Variants in N4BP2 observed in about 807,000 individuals in gnomAD.
N4BP2 encodes NEDD4 binding protein 2.
In N4BP2, 91 loss-of-function variants were observed where a neutral mutation model predicts 152.8. The ratio of observed to expected loss-of-function variants is 0.60; its 90% CI spans 0.50 to 0.71. The LOEUF is 0.71. N4BP2 is among the 30% of genes least tolerant of loss of function. The pLI, the probability that N4BP2 is intolerant of heterozygous loss-of-function variation, is 0.00. For missense variants in N4BP2, 1,923 were observed against 2,059.1 expected (o/e 0.93, Z 1.28); for synonymous variants, 646 against 705.3 (o/e 0.92, Z 1.33).
Position 40,121,515 on chromosome 4 carries a change from A to T in N4BP2, c.3404A>T (p.Asp1135Val). ...LLDSETKLCE[D>V]TEFENFQKSC... ...GATTCTGAAACTAAGTTATGTGAGG[A>T]TACAGAGTTTGAGAATTTCCAAAAA... Residue 1135 changes from aspartate to valine, a missense_variant, in exon 9 of 18, where the codon GAT (aspartate) becomes GTT (valine). By Grantham distance (152) the Asp-to-Val change is radical (BLOSUM62 -3). Transcript: ENST00000261435. The T allele has an allele frequency of 1.2e-6, 2 of 1,614,196 alleles. No individual in the cohort carries two copies. The highest frequency in any genetic ancestry group is 2.7e-5 in the African/African-American group (2 of 75,050).
intron 2 of N4BP2, among the ~76,000 whole-genome samples, chr4:40,084,139 CG>C (rs1218123983): frequency 7.9e-5 from 12 of 151,956 alleles, no homozygotes; most frequent in Admixed American, 2.6e-4. Flanking sequence ...TTAGTAGAGA[CG>C]GGGTTTCGGC....
chr4:40,178,609 T>C, the N4BP2 span, among the ~76,000 whole-genome samples: 1 of 152,244 alleles, frequency 6.6e-6, no homozygotes, highest in African/African-American at 2.4e-5. Context: ...CTCTTGGTCT[T>C]CCAGCTACCA....
In N4BP2 at chr4:40,154,484, A is replaced by T. The variant is rs1008601670; in HGVS notation, c.*247A>T. On this transcript the variant is annotated 3_prime_UTR_variant, in exon 18 of 18. Transcript: ENST00000261435. ...TGATTACAAAATATGTAAGAAAATT[A>T]TCAGCTACAGTTTTAAAGTTTAAAA... 1.8e-5 allele frequency: 7 copies of T among 382,232 alleles called. No homozygotes were observed. Among genetic ancestry groups the T allele is most frequent in the Non-Finnish European group, 3.2e-5 (7 of 215,488 alleles). 23.7% of individuals were successfully genotyped at this position (382,232 alleles called of 1,614,324 possible).
At chr4:40,117,136 A>G (rs979237500) in intron 7 of N4BP2, among the ~76,000 whole-genome samples, 1 of 152,034 alleles carries the variant, frequency 6.6e-6, no homozygotes, top group Non-Finnish European at 1.5e-5. Flanking sequence ...AGTTCTGGAA[A>G]ATTCTCAGCA....
At chr4:40,119,810 T>C (rs1717684266) in intron 8 of N4BP2, 122 bp from the exon 9 acceptor site, 1 of 495,744 alleles carries the variant, frequency 2.0e-6, no homozygotes. Flanking sequence ...TTTAATGTAA[T>C]TTATTTATAA....
chr4:40,163,123 C>G (rs969744495), downstream of N4BP2, among the ~76,000 whole-genome samples: 11 of 152,204 alleles, frequency 7.2e-5, no homozygotes, highest in Non-Finnish European at 8.8e-5. Context: ...TTAAATTCAG[C>G]TAACTTTGAA....
rs575565524 is a variant in N4BP2 at position 40,107,072 on chromosome 4, GA to G, written c.1498+54del. 1,736 of 1,577,794 alleles carry G rather than the reference GA, an allele frequency of 1.1e-3. 41 individuals are homozygous for G. The South Asian group carries it at 0.018, about 17-fold the overall frequency. ...TGGGTAACGTTATGAGTAATACAAA[GA>G]AAAAATTCACTTAGTATTTGTTTGT... On this transcript the variant is annotated intron_variant, in intron 5 of 17. Transcript: ENST00000261435.
chr4:40,152,166 T>C (rs1163204895), intron 16 of N4BP2, among the ~76,000 whole-genome samples: 2 of 152,238 alleles, frequency 1.3e-5, no homozygotes, highest in Non-Finnish European at 2.9e-5. Flanking sequence ...ATAGTAAGAC[T>C]GCAATCCAGC....
At chr4:40,099,196 T>C (rs556967044) in intron 3 of N4BP2, among the ~76,000 whole-genome samples, 1 of 152,158 alleles carries the variant, frequency 6.6e-6, no homozygotes, top group Non-Finnish European at 1.5e-5. Context: ...CTTGCATAAG[T>C]GTAGTGGTTT....
chr4:40,164,292 C>A, the N4BP2 span, among the ~76,000 whole-genome samples: 1 of 152,018 alleles, frequency 6.6e-6, no homozygotes, highest in Non-Finnish European at 1.5e-5. Context: ...TAGGAAGGAA[C>A]CTTGAGAACT....
At chr4:40,174,907 AAAG>A in the N4BP2 span, among the ~76,000 whole-genome samples, 4 of 152,166 alleles carry the variant, frequency 2.6e-5, no homozygotes, top group African/African-American at 7.2e-5. Flanking sequence ...AAAAAAAAAA[AAAG>A]GAGATCCTGC....
At chr4:40,163,270 C>T in the N4BP2 span, among the ~76,000 whole-genome samples, 2 of 152,168 alleles carry the variant, frequency 1.3e-5, no homozygotes, top group African/African-American at 4.8e-5. Context: ...TCATAACCAC[C>T]CGCTGGGGTA....
intron 2 of N4BP2, among the ~76,000 whole-genome samples, chr4:40,081,431 A>C (rs1257809362): frequency 6.6e-6 from 1 of 152,152 alleles, no homozygotes; most frequent in Non-Finnish European, 1.5e-5. Flanking sequence ...GGATTACCTG[A>C]GGTCAGGAGT....
chr4:40,107,448 A>G (rs1019269329), intron 5 of N4BP2, among the ~76,000 whole-genome samples: 3 of 151,634 alleles, frequency 2.0e-5, no homozygotes, highest in Non-Finnish European at 4.4e-5. Context: ...CAGTGGTGCA[A>G]TCTGGGTTCA....
the N4BP2 span, among the ~76,000 whole-genome samples, chr4:40,183,924 G>C: frequency 2.0e-5 from 3 of 152,212 alleles, no homozygotes; most frequent in Non-Finnish European, 2.9e-5. Context: ...AGGAAGACGG[G>C]TGCTCCTGCC....
chr4:40,084,976 G>A (rs1713796394), intron 2 of N4BP2, among the ~76,000 whole-genome samples: 1 of 146,382 alleles, frequency 6.8e-6, no homozygotes, highest in Non-Finnish European at 1.5e-5. Flanking sequence ...GCAGTGGTGC[G>A]ATTTCAGCTC....
chr4:40,097,034 T>G (rs1302956498), intron 2 of N4BP2, among the ~76,000 whole-genome samples, 193 bp from the exon 3 acceptor site: 2 of 152,224 alleles, frequency 1.3e-5, no homozygotes, highest in African/African-American at 4.8e-5. Context: ...GAAATACATA[T>G]TGTTAACATC....
chr4:40,152,198 T>C (rs1368456348), intron 16 of N4BP2, among the ~76,000 whole-genome samples: 1 of 152,242 alleles, frequency 6.6e-6, no homozygotes, highest in Non-Finnish European at 1.5e-5. Context: ...GATTTGCTAA[T>C]AGCTATTACT....
At chr4:40,064,331 A>G (rs141110607) in intron 1 of N4BP2, among the ~76,000 whole-genome samples, 3,161 of 150,902 alleles carry the variant, frequency 0.021, 112 homozygotes, top group African/African-American at 0.072. Flanking sequence ...CTGGAGTGCA[A>G]TGGTGTGATC....
Sources: gnomAD v4.1 joint callset for allele counts (sites outside exome capture counted in the v4.1 genomes callset) on GRCh38, gnomAD v4.1.1 for gene constraint, MANE v1.5 for transcripts, NCBI Gene and HGNC (gene_info 2026-07-23, HGNC 2026-07-21) for gene names.